The following ADGRB3 variants were observed in gnomAD, a reference collection of about 807,000 sequenced individuals.
The protein encoded by ADGRB3 is brain-specific angiogenesis inhibitor 3.
A neutral mutation model predicts 193.4 loss-of-function variants in ADGRB3; 37 were observed. That is an observed-to-expected ratio of 0.19 (90% CI 0.15 to 0.25). The LOEUF (loss-of-function observed/expected upper bound fraction) is 0.25, where lower values mean the gene tolerates loss of function less well. ADGRB3 is among the 10% of genes least tolerant of loss of function. The probability of loss-of-function intolerance (pLI) is 1.00; values close to 1 mark genes in which losing one functional copy is unlikely to be tolerated. For missense variants in ADGRB3, 1,637 were observed against 1,852.9 expected (o/e 0.88, Z 2.14); for synonymous variants, 690 against 644.2 (o/e 1.07, Z -1.08).
chr6:69,301,319 T>C (rs1767944858), intron 20 of ADGRB3, among the ~76,000 whole-genome samples: 1 of 149,376 alleles, frequency 6.7e-6, no homozygotes, highest in South Asian at 2.1e-4. Context: ...GTATTCAGTA[T>C]TAAATTCTAA....
chr6:68,747,210 A>G (rs1766102206), intron 3 of ADGRB3, among the ~76,000 whole-genome samples: 2 of 152,300 alleles, frequency 1.3e-5, no homozygotes, highest in South Asian at 4.1e-4. Context: ...GGCTAAGACC[A>G]TTTTCTTTCA....
At chr6:68,883,293 G>A (rs1765786599) in intron 3 of ADGRB3, among the ~76,000 whole-genome samples, 1 of 152,086 alleles carries the variant, frequency 6.6e-6, no homozygotes. Context: ...TCTGTAAAAT[G>A]GACCAATCAG....
At chr6:68,661,183 C>G (rs2127287643) in intron 3 of ADGRB3, among the ~76,000 whole-genome samples, 1 of 149,128 alleles carries the variant, frequency 6.7e-6, no homozygotes, top group East Asian at 2.0e-4. Flanking sequence ...GCCTTCAAGT[C>G]AGAGCCACTG....
intron 3 of ADGRB3, among the ~76,000 whole-genome samples, chr6:68,825,626 A>G (rs1379783151): frequency 1.3e-5 from 2 of 152,070 alleles, no homozygotes; most frequent in African/African-American, 4.8e-5. Flanking sequence ...GTGTCAAGGG[A>G]GAGACCAGGT....
intron 3 of ADGRB3, among the ~76,000 whole-genome samples, chr6:68,873,817 T>C (rs540062219): frequency 6.6e-6 from 1 of 152,180 alleles, no homozygotes; most frequent in Non-Finnish European, 1.5e-5. Context: ...GGAGTTTGTA[T>C]TAAATATTTA....
chr6:68,899,876 A>G (rs1265894174), intron 3 of ADGRB3, among the ~76,000 whole-genome samples: 1 of 152,126 alleles, frequency 6.6e-6, no homozygotes, highest in Non-Finnish European at 1.5e-5. Context: ...TAACTCTATT[A>G]AAATTTTTAA....
At chr6:68,636,147 A>C (rs936364544) in intron 1 of ADGRB3, 147 bp downstream of exon 1, 2 of 152,288 alleles carry the variant, frequency 1.3e-5, no homozygotes, top group African/African-American at 2.4e-5. Context: ...GACTGTCTGC[A>C]TTTACTTAAA....
chr6:68,915,711 G>T (rs781217632), intron 3 of ADGRB3, among the ~76,000 whole-genome samples: 1 of 152,040 alleles, frequency 6.6e-6, no homozygotes, highest in Non-Finnish European at 1.5e-5. Context: ...CTACTCAGTG[G>T]CCTGGGAAAC....
chr6:69,021,067 C>T (rs1320517291), intron 13 of ADGRB3, among the ~76,000 whole-genome samples: 4 of 151,694 alleles, frequency 2.6e-5, no homozygotes, highest in Non-Finnish European at 5.9e-5. Context: ...ATTCTAAGTC[C>T]AAATATTAAT....
intron 17 of ADGRB3, among the ~76,000 whole-genome samples, chr6:69,134,242 A>G (rs1288590068): frequency 2.0e-5 from 3 of 152,020 alleles, no homozygotes; most frequent in Non-Finnish European, 2.9e-5. Context: ...TTTAGTCACC[A>G]TTTATGCCCT....
chr6:68,931,081 T>C (rs984703783), intron 4 of ADGRB3, among the ~76,000 whole-genome samples: 149 of 152,106 alleles, frequency 9.8e-4, no homozygotes, highest in African/African-American at 3.4e-3. Flanking sequence ...TCAAGTATGA[T>C]CCTACTTGTA....
chr6:68,760,367 C>T (rs1766374838), intron 3 of ADGRB3, among the ~76,000 whole-genome samples: 1 of 152,150 alleles, frequency 6.6e-6, no homozygotes, highest in African/African-American at 2.4e-5. Context: ...AGAGCTTTTC[C>T]TATCAGGGAA....
chr6:68,850,220 TTTTAA>T (rs1768370126), intron 3 of ADGRB3, among the ~76,000 whole-genome samples: 1 of 151,984 alleles, frequency 6.6e-6, no homozygotes, highest in Admixed American at 6.6e-5. Flanking sequence ...TCTGTGTTTT[TTTTAA>T]TTTATCTTTT....
intron 3 of ADGRB3, among the ~76,000 whole-genome samples, chr6:68,826,898 A>G (rs1767854099): frequency 6.6e-6 from 1 of 152,186 alleles, no homozygotes; most frequent in Admixed American, 6.5e-5. Flanking sequence ...GGATGGCCAG[A>G]ACTTGGAGAG....
chr6:68,835,548 A>G (rs960175031), intron 3 of ADGRB3, among the ~76,000 whole-genome samples: 2 of 152,080 alleles, frequency 1.3e-5, no homozygotes, highest in East Asian at 1.9e-4. Flanking sequence ...TAAACATGAT[A>G]TATGTTCCTA....
intron 17 of ADGRB3, among the ~76,000 whole-genome samples, chr6:69,193,351 T>C (rs1160295001): frequency 6.6e-6 from 1 of 152,156 alleles, no homozygotes; most frequent in African/African-American, 2.4e-5. Flanking sequence ...AAAAACTTTT[T>C]TGTGATTCTT....
intron 3 of ADGRB3, among the ~76,000 whole-genome samples, chr6:68,675,828 G>C (rs907564725): frequency 6.6e-6 from 1 of 151,998 alleles, no homozygotes; most frequent in Non-Finnish European, 1.5e-5. Flanking sequence ...CTTCAGACAG[G>C]GTCTTCAGTC....
intron 16 of ADGRB3, 39 bp from the exon 17 acceptor site, chr6:69,075,956 A>T (rs1203466196): frequency 6.7e-7 from 1 of 1,490,784 alleles, no homozygotes; most frequent in Non-Finnish European, 9.4e-7. Flanking sequence ...TTATATATGT[A>T]CTCAAGATAT....
intron 24 of ADGRB3, among the ~76,000 whole-genome samples, chr6:69,334,454 C>G (rs1768798623): frequency 6.6e-6 from 1 of 152,158 alleles, no homozygotes; most frequent in Non-Finnish European, 1.5e-5. Context: ...AAAAACATGA[C>G]TGAAAGTTTC....
Sources: gnomAD v4.1 joint callset for allele counts (sites outside exome capture counted in the v4.1 genomes callset) on GRCh38, gnomAD v4.1.1 for gene constraint, MANE v1.5 for transcripts, NCBI Gene and HGNC (gene_info 2026-07-23, HGNC 2026-07-21) for gene names.